Variants in RANBP2 observed in about 807,000 individuals in gnomAD.
The protein encoded by RANBP2 is E3 SUMO-protein ligase RanBP2.
RANBP2 carries 57 observed loss-of-function variants against 303.6 expected under a neutral mutation model. The observed-to-expected ratio is 0.19, with a 90% CI of 0.15 to 0.23. The LOEUF (loss-of-function observed/expected upper bound fraction) is 0.23. RANBP2 is among the 10% of genes least tolerant of loss of function. The pLI, the probability that RANBP2 is intolerant of heterozygous loss-of-function variation, is 1.00. For synonymous variants in RANBP2, 1,167 were observed against 1,301.5 expected (o/e 0.90, Z 2.23); for missense variants, 3,138 against 3,780.8 (o/e 0.83, Z 4.46).
the RANBP2 span, among the ~76,000 whole-genome samples, chr2:109,500,410 G>C: frequency 6.6e-6 from 1 of 152,150 alleles, no homozygotes. Context: ...ATGCCCCTGG[G>C]TCCCTGCAGG....
chr2:109,437,283 T>A, the RANBP2 span: 2 of 1,360,974 alleles, frequency 1.5e-6, no homozygotes, highest in Non-Finnish European at 2.0e-6. Flanking sequence ...TGGAGAAACT[T>A]AAGGAAAACC....
At chr2:108,786,406 G>C (rs1678723031), downstream of RANBP2, among the ~76,000 whole-genome samples, 3 of 151,904 alleles carry the variant, frequency 2.0e-5, no homozygotes, top group Admixed American at 6.6e-5. Flanking sequence ...ATATACTCTT[G>C]GTTTTTCTTT....
chr2:109,716,599 T>G, the RANBP2 span, among the ~76,000 whole-genome samples: 1 of 152,100 alleles, frequency 6.6e-6, no homozygotes, highest in Non-Finnish European at 1.5e-5. Context: ...CAGGCTGAAG[T>G]GCAGTGGTGC....
chr2:109,248,386 A>T, the RANBP2 span, among the ~76,000 whole-genome samples: 1 of 152,108 alleles, frequency 6.6e-6, no homozygotes, highest in East Asian at 1.9e-4. Context: ...TCTCATGATT[A>T]TGTGTTATCG....
chr2:109,433,888 C>T, the RANBP2 span, among the ~76,000 whole-genome samples: 31 of 152,344 alleles, frequency 2.0e-4, no homozygotes, highest in African/African-American at 5.3e-4. Context: ...AAATGCACCC[C>T]CTCAAACCCA....
At chr2:108,731,617 A>G in intron 4 of RANBP2, 143 bp downstream of exon 4, 7 of 1,486,868 alleles carry the variant, frequency 4.7e-6, no homozygotes, top group Non-Finnish European at 6.3e-6. Flanking sequence ...GTGTGTTAAA[A>G]CCTTTCTGAG....
the RANBP2 span, chr2:108,812,989 C>A: frequency 1.4e-6 from 2 of 1,379,410 alleles, no homozygotes; most frequent in South Asian, 2.4e-5. Context: ...GTGGCTCACA[C>A]CTGTAATCCC....
chr2:109,481,381 C>T, the RANBP2 span, among the ~76,000 whole-genome samples: 1 of 152,078 alleles, frequency 6.6e-6, no homozygotes, highest in Non-Finnish European at 1.5e-5. Flanking sequence ...TGCGGCTATG[C>T]TTCTGGCAGC....
At chr2:109,198,412 G>T in the RANBP2 span, among the ~76,000 whole-genome samples, 1 of 152,152 alleles carries the variant, frequency 6.6e-6, no homozygotes, top group Admixed American at 6.5e-5. Flanking sequence ...AGAGGTAGAG[G>T]GGCACAGTGG....
chr2:109,697,500 A>G, the RANBP2 span, among the ~76,000 whole-genome samples: 2 of 151,790 alleles, frequency 1.3e-5, no homozygotes, highest in African/African-American at 4.8e-5. Flanking sequence ...AAAAAAAAAA[A>G]AGAGGCTTTT....
the RANBP2 span, chr2:109,419,777 A>T: frequency 1.3e-6 from 1 of 754,314 alleles, no homozygotes; most frequent in Non-Finnish European, 2.1e-6. Context: ...TGTGCGTCTA[A>T]TAACACCGCT....
chr2:108,736,700 C>G (rs913656678), intron 6 of RANBP2, among the ~76,000 whole-genome samples: 6 of 152,116 alleles, frequency 3.9e-5, no homozygotes, highest in African/African-American at 7.2e-5. Flanking sequence ...AACAAAATAA[C>G]TCAACTATGT....
At chr2:109,009,784 C>G in the RANBP2 span, among the ~76,000 whole-genome samples, 33 of 149,022 alleles carry the variant, frequency 2.2e-4, no homozygotes, top group African/African-American at 8.3e-4. Flanking sequence ...TGGGCTCAAG[C>G]CATTCTCCCA....
At chr2:109,473,833 CTT>C in the RANBP2 span, among the ~76,000 whole-genome samples, 1 of 151,852 alleles carries the variant, frequency 6.6e-6, no homozygotes, top group African/African-American at 2.4e-5. Context: ...CAGGCTGTCT[CTT>C]TTTTGGGGTG....
the RANBP2 span, among the ~76,000 whole-genome samples, chr2:109,700,491 A>G: frequency 6.6e-6 from 1 of 152,176 alleles, no homozygotes; most frequent in Non-Finnish European, 1.5e-5. Flanking sequence ...GGGCGCTTCC[A>G]GGTCACAGAT....
chr2:109,400,603 A>T, the RANBP2 span, among the ~76,000 whole-genome samples: 1 of 151,556 alleles, frequency 6.6e-6, no homozygotes, highest in Non-Finnish European at 1.5e-5. Flanking sequence ...GTGAACTTAT[A>T]TGCGTCCCTT....
chr2:109,633,579 G>A, the RANBP2 span, among the ~76,000 whole-genome samples: 1 of 152,048 alleles, frequency 6.6e-6, no homozygotes, highest in East Asian at 1.9e-4. Context: ...CCTCAAGAAG[G>A]GGCCATCCAG....
chr2:109,656,255 A>G, the RANBP2 span, among the ~76,000 whole-genome samples: 2 of 152,194 alleles, frequency 1.3e-5, no homozygotes, highest in African/African-American at 4.8e-5. Flanking sequence ...TGTTTCTTGA[A>G]TGAGTAAAGT....
the RANBP2 span, among the ~76,000 whole-genome samples, chr2:109,670,797 G>A: frequency 3.3e-5 from 5 of 151,904 alleles, no homozygotes; most frequent in Non-Finnish European, 7.4e-5. Context: ...AATCACAAGG[G>A]GACAGGGCCC....
Sources: gnomAD v4.1 joint callset for allele counts (sites outside exome capture counted in the v4.1 genomes callset) on GRCh38, gnomAD v4.1.1 for gene constraint, MANE v1.5 for transcripts, NCBI Gene and HGNC (gene_info 2026-07-23, HGNC 2026-07-21) for gene names.